RAB8B: variants seen among roughly 807,000 people sequenced by gnomAD.
RAB8B encodes ras-related protein Rab-8B.
RAB8B carries 11 observed loss-of-function variants against 32.0 expected under a neutral mutation model. The observed-to-expected ratio is 0.34, with a 90% CI of 0.22 to 0.57. The LOEUF (loss-of-function observed/expected upper bound fraction) is 0.57. RAB8B is among the 20% of genes least tolerant of loss of function. The probability of loss-of-function intolerance (pLI) is 0.86; values close to 1 mark genes in which losing one functional copy is unlikely to be tolerated. For synonymous variants in RAB8B, 103 were observed against 89.6 expected, an observed-to-expected ratio of 1.15 and a Z score of -0.85; for missense variants, 190 against 258.5, an observed-to-expected ratio of 0.73 and a Z score of 1.82.
Position 63,251,241 on chromosome 15 carries a change from G to T in RAB8B, c.246+1536G>T, listed in dbSNP as rs970460519. The T allele has an allele frequency of 2.0e-5, 9 of 455,586 alleles. 1 individual carries two copies. Among genetic ancestry groups the T allele is most frequent in the Admixed American group, 1.6e-4 (7 of 42,486 alleles). 28.2% of individuals were successfully genotyped at this position (455,586 alleles called of 1,614,324 possible). On this transcript the variant is annotated intron_variant, in intron 3 of 7. Transcript: ENST00000321437. ...ATCAAAGGGAAGGGGCTTATTATAT[G>T]TGCCAGGAAGACATTTGTTTGTTGT... is the stretch of plus-strand genomic sequence containing the variant.
rs532203712 is a variant in RAB8B at position 63,248,748 on chromosome 15, T to A, written c.186-897T>A. Among the ~76,000 whole-genome samples, 3 of 152,182 alleles carry A rather than the reference T, an allele frequency of 2.0e-5. No individual in the cohort carries two copies. Among genetic ancestry groups the A allele is most frequent in the Non-Finnish European group, 4.4e-5 (3 of 68,028 alleles). Reference sequence around the variant, plus strand: ...GTTTATTGCTTTTTAACTTATGATATTCCCTTGGGCCTTCATCTTTTATTA... The same window carrying A: ...GTTTATTGCTTTTTAACTTATGATAATCCCTTGGGCCTTCATCTTTTATTA... On this transcript the variant is annotated intron_variant, in intron 2 of 7. Coordinates refer to ENST00000321437, the MANE Select transcript of RAB8B (RefSeq NM_016530.3). The surrounding 1 kb of genome is among the most constrained non-coding windows in gnomAD (Gnocchi z 4.4).
chr15:63,233,227 T>A (rs1595743705), intron 1 of RAB8B, among the ~76,000 whole-genome samples: 1 of 151,384 alleles, frequency 6.6e-6, no homozygotes, highest in East Asian at 1.9e-4. Flanking sequence ...ATCCAGCTAA[T>A]TTTTAATTTT....
At position 63,248,412 on chromosome 15, in the gene RAB8B, T is replaced by A. The variant is rs1478992609; in HGVS notation, c.186-1233T>A. The stretch of plus-strand genomic sequence containing the variant: ...CTGTAGTCCCAGCTACTTGGGAGGC[T>A]GAGGCAGGAGAATCGCTTGAACCCA... On this transcript the variant is annotated intron_variant, in intron 2 of 7. Transcript: ENST00000321437. The surrounding 1 kb of genome is among the most constrained non-coding windows in gnomAD (Gnocchi z 4.4). Among the ~76,000 whole-genome samples, 1 of 152,176 alleles carries A rather than the reference T, an allele frequency of 6.6e-6. No homozygotes were observed. The highest frequency in any genetic ancestry group is 1.5e-5 in the Non-Finnish European group (1 of 68,036).
At chr15:63,211,368 G>A (rs1054295294) in intron 1 of RAB8B, among the ~76,000 whole-genome samples, 1 of 152,154 alleles carries the variant, frequency 6.6e-6, no homozygotes, top group African/African-American at 2.4e-5. Flanking sequence ...GGAGATTATT[G>A]TCTCACGTAC....
intron 3 of RAB8B, among the ~76,000 whole-genome samples, chr15:63,249,972 T>TA (rs2038102764): frequency 6.6e-6 from 1 of 151,872 alleles, no homozygotes; most frequent in Non-Finnish European, 1.5e-5. Flanking sequence ...CCGTCTCTAC[T>TA]AAAAATACAA....
intron 2 of RAB8B, among the ~76,000 whole-genome samples, chr15:63,246,996 C>G (rs1472189201): frequency 6.6e-6 from 1 of 152,198 alleles, no homozygotes; most frequent in Non-Finnish European, 1.5e-5. Context: ...ATCACACTAT[C>G]ACAGCTACTA....
intron 3 of RAB8B, among the ~76,000 whole-genome samples, chr15:63,250,887 G>A (rs2038112136): frequency 6.6e-6 from 1 of 151,690 alleles, no homozygotes; most frequent in East Asian, 1.9e-4. Flanking sequence ...AAAGATTCTT[G>A]TATTCCTGGG....
At chr15:63,257,027 G>A (rs570091278) in intron 5 of RAB8B, among the ~76,000 whole-genome samples, 5 of 152,198 alleles carry the variant, frequency 3.3e-5, no homozygotes, top group African/African-American at 1.2e-4. Context: ...CTACACATTA[G>A]CGTTAGGTTT....
chr15:63,220,047 A>T (rs992610996), intron 1 of RAB8B, among the ~76,000 whole-genome samples: 10 of 152,234 alleles, frequency 6.6e-5, no homozygotes, highest in Admixed American at 5.9e-4. Flanking sequence ...TGAAGAAAGT[A>T]AGACTTTCTA....
At chr15:63,224,270 A>G (rs369703230) in intron 1 of RAB8B, among the ~76,000 whole-genome samples, 10 of 152,360 alleles carry the variant, frequency 6.6e-5, no homozygotes, top group African/African-American at 1.9e-4. Flanking sequence ...GAAAATATTC[A>G]TCCCATGTTG....
intron 1 of RAB8B, among the ~76,000 whole-genome samples, chr15:63,219,817 C>T (rs899148988): frequency 9.9e-5 from 15 of 152,122 alleles, no homozygotes; most frequent in African/African-American, 3.6e-4. Context: ...TGGAAGGCTT[C>T]CACTGCTGGC....
At chr15:63,230,493 G>C (rs1407107888) in intron 1 of RAB8B, among the ~76,000 whole-genome samples, 1 of 152,100 alleles carries the variant, frequency 6.6e-6, no homozygotes, top group Non-Finnish European at 1.5e-5. Flanking sequence ...GTAGAGACAC[G>C]GTTTCGCCAC....
chr15:63,197,019 G>A (rs2141106680), intron 1 of RAB8B, among the ~76,000 whole-genome samples: 1 of 152,252 alleles, frequency 6.6e-6, no homozygotes, highest in South Asian at 2.1e-4. Flanking sequence ...CCTGTTAACA[G>A]TTTCATGCCC....
At chr15:63,197,361 C>T (rs1355511752) in intron 1 of RAB8B, among the ~76,000 whole-genome samples, 316 of 92,332 alleles carry the variant, frequency 3.4e-3, no homozygotes, top group Middle Eastern at 6.5e-3. Flanking sequence ...TTCTTTCTTT[C>T]TTTCTTTTCT....
intron 6 of RAB8B, among the ~76,000 whole-genome samples, chr15:63,260,769 G>A (rs190040237): frequency 4.0e-5 from 6 of 151,456 alleles, no homozygotes; most frequent in African/African-American, 9.7e-5. Flanking sequence ...AAAATAATAC[G>A]TGTAATTTAC....
chr15:63,202,089 T>TAAAAA (rs146981058), intron 1 of RAB8B, among the ~76,000 whole-genome samples: 1 of 85,748 alleles, frequency 1.2e-5, no homozygotes, highest in Non-Finnish European at 2.2e-5. Flanking sequence ...CCGTCTCTAC[T>TAAAAA]AAAAAAAAAA....
At chr15:63,195,408 C>G (rs2037591933) in intron 1 of RAB8B, among the ~76,000 whole-genome samples, 1 of 152,308 alleles carries the variant, frequency 6.6e-6, no homozygotes, top group African/African-American at 2.4e-5. Flanking sequence ...AGAATGTGTA[C>G]TTTAATGAAG....
At chr15:63,252,176 T>C (rs2038121952) in intron 3 of RAB8B, among the ~76,000 whole-genome samples, 1 of 151,964 alleles carries the variant, frequency 6.6e-6, no homozygotes, top group Non-Finnish European at 1.5e-5. Flanking sequence ...TCTAACTGAT[T>C]CATAATATCA....
At chr15:63,228,030 G>T (rs1000870811) in intron 1 of RAB8B, among the ~76,000 whole-genome samples, 1 of 146,138 alleles carries the variant, frequency 6.8e-6, no homozygotes, top group South Asian at 2.1e-4. Context: ...CTTTCACAGG[G>T]TCTCACTTTG....
Sources: allele counts gnomAD v4.1 joint callset (sites outside exome capture counted in the v4.1 genomes callset), GRCh38; gene constraint gnomAD v4.1.1; non-coding constraint Gnocchi (gnomAD v3.1); transcripts MANE v1.5; gene names NCBI Gene and HGNC (gene_info 2026-07-23, HGNC 2026-07-21).